WDPCP: variants seen among roughly 807,000 people sequenced by gnomAD.
WDPCP encodes the protein WD repeat containing planar cell polarity effector, also known as WD repeat-containing and planar cell polarity effector protein fritz homolog.
A neutral mutation model predicts 93.1 loss-of-function variants in WDPCP; 71 were observed. The observed-to-expected ratio is 0.76, with a 90% CI of 0.63 to 0.93. The LOEUF (loss-of-function observed/expected upper bound fraction) is 0.93. Ranked by LOEUF, WDPCP falls within the 40% of genes least tolerant of loss-of-function variation. The pLI is 0.00. For missense variants in WDPCP, 844 were observed against 887.4 expected (o/e 0.95, Z 0.62); for synonymous variants, 315 against 315.0 (o/e 1.00, Z 0.00).
At chr2:63,406,924 A>G (rs1694635164) in intron 9 of WDPCP, among the ~76,000 whole-genome samples, 1 of 152,078 alleles carries the variant, frequency 6.6e-6, no homozygotes, top group Admixed American at 6.6e-5. Flanking sequence ...AGACAAAGGG[A>G]CCTTTCTGCT....
chr2:63,837,332 T>C, the WDPCP span, among the ~76,000 whole-genome samples: 1 of 152,244 alleles, frequency 6.6e-6, no homozygotes, highest in African/African-American at 2.4e-5. Flanking sequence ...AGTCAGTTAC[T>C]GGCAACTGCT....
intron 13 of WDPCP, among the ~76,000 whole-genome samples, chr2:63,304,605 G>A (rs1339658101): frequency 1.3e-5 from 2 of 152,212 alleles, no homozygotes; most frequent in Non-Finnish European, 2.9e-5. Context: ...GCAACTTGCA[G>A]ACCAGGAGAT....
chr2:63,150,492 G>A lies in WDPCP; in HGVS notation c.2190+2422C>T, dbSNP rs901602486. ...GGCCCAAAATGTCAATAGCGCTAAG[G>A]TTCAGAAACCCTGTTCTAAGAGCCA... is the stretch of plus-strand genomic sequence containing the variant. On this transcript the variant is annotated intron_variant, in intron 17 of 17. Transcript: ENST00000272321. Among the ~76,000 whole-genome samples the A allele has an allele frequency of 6.6e-4, 100 of 152,150 alleles. 5 individuals carry two copies. The highest frequency in any genetic ancestry group is 4.6e-4 in the Non-Finnish European group (31 of 68,020).
At chr2:63,254,544 A>G (rs1161556265) in intron 14 of WDPCP, among the ~76,000 whole-genome samples, 1 of 152,120 alleles carries the variant, frequency 6.6e-6, no homozygotes. Context: ...AAAGATAATT[A>G]TATATTAATA....
chr2:63,339,902 AG>A (rs1427505589), intron 12 of WDPCP, among the ~76,000 whole-genome samples: 1 of 152,158 alleles, frequency 6.6e-6, no homozygotes. Flanking sequence ...TCAATCATAA[AG>A]GTATATTGAA....
chr2:63,628,766 C>T (rs1021646957), intron 3 of WDPCP, among the ~76,000 whole-genome samples: 1 of 152,178 alleles, frequency 6.6e-6, no homozygotes, highest in Non-Finnish European at 1.5e-5. Flanking sequence ...TCACAGGGGT[C>T]TGAGAGAAGG....
At chr2:63,504,919 GAT>G (rs1701774810) in intron 1 of WDPCP, among the ~76,000 whole-genome samples, 1 of 152,000 alleles carries the variant, frequency 6.6e-6, no homozygotes, top group Non-Finnish European at 1.5e-5. Flanking sequence ...CTTCACAGAT[GAT>G]ATAAAAGTAA....
At chr2:63,444,684 A>C (rs1185195094) in intron 6 of WDPCP, among the ~76,000 whole-genome samples, 1 of 152,196 alleles carries the variant, frequency 6.6e-6, no homozygotes, top group East Asian at 1.9e-4. Context: ...GCAGATCTGA[A>C]CTGAAAAGAC....
At chr2:63,541,691 T>C (rs948645660) in intron 1 of WDPCP, among the ~76,000 whole-genome samples, 2 of 152,188 alleles carry the variant, frequency 1.3e-5, no homozygotes, top group African/African-American at 2.4e-5. Context: ...ATAAGAGTCA[T>C]GTAAAAGCCA....
chr2:63,835,389 CAAAAAAA>C, the WDPCP span, among the ~76,000 whole-genome samples: 24 of 42,364 alleles, frequency 5.7e-4, no homozygotes, highest in South Asian at 1.7e-3. Context: ...GACTCCATCT[CAAAAAAA>C]AAAAAAAAAA....
Position 63,149,747 on chromosome 2 carries a change from G to A in WDPCP, c.2190+3167C>T, listed in dbSNP as rs1265460389. Among the ~76,000 whole-genome samples, 3 of 152,296 alleles carry A rather than the reference G, an allele frequency of 2.0e-5. No homozygotes were observed. In the South Asian group the frequency reaches 6.2e-4, roughly 32 times the overall value. Reference sequence around the variant, plus strand: ...GTAAGTAACAAGAAGAATGCACTATGTTTCCACTTATATAAAGTTCAGAAA... The same window carrying A: ...GTAAGTAACAAGAAGAATGCACTATATTTCCACTTATATAAAGTTCAGAAA... On this transcript the variant is annotated intron_variant, in intron 17 of 17. Transcript: ENST00000272321.
At chr2:63,652,707 CT>C (rs547220224) in intron 2 of WDPCP, among the ~76,000 whole-genome samples, 5 of 152,216 alleles carry the variant, frequency 3.3e-5, no homozygotes, top group African/African-American at 4.8e-5. Flanking sequence ...GCAGTTGGCT[CT>C]GAAGATAAAA....
chr2:63,121,380 C>CTTTTTTTTTTTTTTTT lies in WDPCP; in HGVS notation c.*610_*625dup, dbSNP rs139878372. On this transcript the variant is annotated 3_prime_UTR_variant, in exon 18 of 18. Coordinates refer to ENST00000272321, the MANE Select transcript of WDPCP (RefSeq NM_015910.7). ...AGGACTTTCTTTCTTTCTTTTCTTT[C>CTTTTTTTTTTTTTTTT]TTTTTTTTTTTTTTTTTTTTTGGAG... 3.4e-5 allele frequency: 3 copies of CTTTTTTTTTTTTTTTT among 87,326 alleles called. No individual in the cohort carries two copies. Among genetic ancestry groups the CTTTTTTTTTTTTTTTT allele is most frequent in the Non-Finnish European group, 6.8e-5 (3 of 44,330 alleles). The allele number at this position is 87,326 out of a possible 1,614,324, so 5.4% of individuals were successfully genotyped here.
At chr2:63,551,595 CTCTTT>C (rs1341765069) in intron 1 of WDPCP, among the ~76,000 whole-genome samples, 1 of 152,202 alleles carries the variant, frequency 6.6e-6, no homozygotes, top group Non-Finnish European at 1.5e-5. Flanking sequence ...CAAAATAACA[CTCTTT>C]TCTTTATAAA....
intron 12 of WDPCP, among the ~76,000 whole-genome samples, chr2:63,340,743 A>G (rs548899336): frequency 6.6e-6 from 1 of 152,212 alleles, no homozygotes; most frequent in South Asian, 2.1e-4. Context: ...TGGGATCTGT[A>G]TCATCCTCAT....
intron 1 of WDPCP, among the ~76,000 whole-genome samples, chr2:63,506,263 A>G (rs1701863695): frequency 6.6e-6 from 1 of 152,096 alleles, no homozygotes; most frequent in Admixed American, 6.6e-5. Context: ...AGTAGATTAG[A>G]AGCAAGGAAA....
chr2:63,380,574 A>G lies in WDPCP; in HGVS notation c.1624+1332T>C, dbSNP rs189775225. Among the ~76,000 whole-genome samples, 263 of 152,148 alleles carry G rather than the reference A, an allele frequency of 1.7e-3. 3 individuals are homozygous for G. The highest frequency in any genetic ancestry group is 3.0e-3 in the Non-Finnish European group (206 of 67,978). On this transcript the variant is annotated intron_variant, in intron 11 of 17. Coordinates refer to ENST00000272321, the MANE Select transcript of WDPCP (RefSeq NM_015910.7). ...AAATCCCTCTACTAAAAATAGAAAA[A>G]TTAGCTGGGTGTGTGGTGCACATCT...
At chr2:63,559,955 G>A (rs1255763998) in intron 1 of WDPCP, among the ~76,000 whole-genome samples, 2 of 152,054 alleles carry the variant, frequency 1.3e-5, no homozygotes, top group African/African-American at 2.4e-5. Context: ...ATGGGGCCAG[G>A]CATGGTGGCT....
At chr2:63,643,671 T>A in intron 3 of WDPCP, 1 of 467,716 alleles carries the variant, frequency 2.1e-6, no homozygotes, top group Non-Finnish European at 4.3e-6. Context: ...TTTTTCTCAC[T>A]TTGCACAACT....
Sources: gnomAD v4.1 joint callset for allele counts (sites outside exome capture counted in the v4.1 genomes callset) on GRCh38, gnomAD v4.1.1 for gene constraint, MANE v1.5 for transcripts, NCBI Gene and HGNC (gene_info 2026-07-23, HGNC 2026-07-21) for gene names.